Variants in CAMSAP2 observed in about 807,000 individuals in gnomAD.
CAMSAP2 encodes calmodulin regulated spectrin associated protein family member 2.
CAMSAP2 carries 26 observed loss-of-function variants against 146.1 expected under a neutral mutation model. That is an observed-to-expected ratio of 0.18 (90% CI 0.13 to 0.25). The LOEUF (loss-of-function observed/expected upper bound fraction) is 0.25. Among genes scored for constraint, CAMSAP2 ranks in the 10% least tolerant of loss-of-function variants. The pLI is 1.00. For synonymous variants in CAMSAP2, 499 were observed against 596.6 expected (o/e 0.84, Z 2.38); for missense variants, 1,381 against 1,759.3 (o/e 0.78, Z 3.85).
At chr1:200,817,160 ACAC>A (rs1666593231) in intron 4 of CAMSAP2, among the ~76,000 whole-genome samples, 1 of 92,862 alleles carries the variant, frequency 1.1e-5, no homozygotes, top group East Asian at 4.9e-4. Flanking sequence ...ACACACATAC[ACAC>A]ACGTGTGTGT....
chr1:200,772,199 C>G (rs1391406255), intron 2 of CAMSAP2, among the ~76,000 whole-genome samples: 1 of 151,902 alleles, frequency 6.6e-6, no homozygotes, highest in Non-Finnish European at 1.5e-5. Flanking sequence ...AACAAAAGTA[C>G]TTATCCTTGT....
intron 4 of CAMSAP2, among the ~76,000 whole-genome samples, chr1:200,817,191 TGTGTGTGTGTATACACACATACACAC>T (rs1437406451): frequency 0.14 from 18,903 of 133,454 alleles, 1,615 homozygotes; most frequent in East Asian, 0.17. Flanking sequence ...CACACACACA[TGTGTGTGTGTATACACACATACACAC>T]ATATGTGTGT....
chr1:200,859,339 T>C lies in CAMSAP2; in HGVS notation c.*1280T>C, dbSNP rs995686892. On this transcript the variant is annotated 3_prime_UTR_variant, in exon 17 of 17. Coordinates refer to ENST00000358823, the MANE Select transcript of CAMSAP2 (RefSeq NM_203459.4). ...CATAAATGAGATGCGTAGTTTGTTT[T>C]CTTTCATGGGAAGTAGAGATAAAAA... 1 of 152,662 alleles carries C rather than the reference T, an allele frequency of 6.6e-6. No individual in the cohort carries two copies. The highest frequency in any genetic ancestry group is 1.5e-5 in the Non-Finnish European group (1 of 67,920). 9.5% of individuals were successfully genotyped at this position (152,662 alleles called of 1,614,324 possible). A position where few individuals can be genotyped will look rare whatever the true frequency, so the allele number is the denominator to read the frequency against.
intron 9 of CAMSAP2, 28 bp downstream of exon 9, chr1:200,847,320 A>G (rs1363226581): frequency 6.7e-7 from 1 of 1,481,626 alleles, no homozygotes; most frequent in South Asian, 1.2e-5. Flanking sequence ...GCCTAGGAAA[A>G]TACTCTTTTA....
intron 6 of CAMSAP2, among the ~76,000 whole-genome samples, chr1:200,834,173 G>A (rs1667116168): frequency 6.6e-6 from 1 of 152,090 alleles, no homozygotes; most frequent in Non-Finnish European, 1.5e-5. Context: ...GACCAGCCTG[G>A]CCAACATGGT....
In CAMSAP2 at chr1:200,848,096, A is replaced by G; in HGVS notation, c.1327A>G (p.Thr443Ala). The change falls in exon 11 of 17, where the codon ACT becomes GCT. Residue 443 changes from threonine (T) to alanine (A), a missense_variant. Physicochemically the swap from Thr to Ala is moderately conservative, Grantham distance 58 (BLOSUM62 0). This residue lies in a region of CAMSAP2 where 447 missense variants were observed against 462.2 expected (regional missense o/e 0.97). Transcript: ENST00000358823. ...TAAAGAAGATAGTGTACAGAGATCC[A>G]CTCCAAACCGAGGAATCACTCGTTC... ...FDKEDSVQRS[T>A]PNRGITRSIS... 6.2e-7 allele frequency: 1 copy of G among 1,607,902 alleles called. No individual in the cohort carries two copies.
At chr1:200,765,922 GTC>G (rs1369631188) in intron 2 of CAMSAP2, among the ~76,000 whole-genome samples, 2 of 152,178 alleles carry the variant, frequency 1.3e-5, no homozygotes, top group African/African-American at 4.8e-5. Flanking sequence ...ATCATGAAGA[GTC>G]TGTAAGTTAG....
At position 200,859,090 on chromosome 1, in the gene CAMSAP2, A is replaced by G. The variant is rs888907410; in HGVS notation, c.*1031A>G. On this transcript the variant is annotated 3_prime_UTR_variant, in exon 17 of 17. Transcript: ENST00000358823. ...AAAATAGCTTCACATTATTTTACTT[A>G]TATTGGGTTTTTCTTCATTTTAATC... 2 of 152,510 alleles carry G rather than the reference A, an allele frequency of 1.3e-5. No homozygotes were observed. The highest frequency in any genetic ancestry group is 4.8e-5 in the African/African-American group (2 of 41,438). 9.4% of individuals were successfully genotyped at this position (152,510 alleles called of 1,614,324 possible).
chr1:200,820,778 G>A (rs1357935259), intron 4 of CAMSAP2, among the ~76,000 whole-genome samples: 3 of 152,170 alleles, frequency 2.0e-5, no homozygotes, highest in African/African-American at 7.2e-5. Context: ...ATCCATTTCA[G>A]TACATTAAAG....
intron 1 of CAMSAP2, among the ~76,000 whole-genome samples, chr1:200,757,985 A>G: frequency 6.6e-6 from 1 of 152,244 alleles, no homozygotes; most frequent in Non-Finnish European, 1.5e-5. Flanking sequence ...GAGCCTGTTT[A>G]GCAAGATGGT....
intron 4 of CAMSAP2, among the ~76,000 whole-genome samples, chr1:200,817,374 CTT>C (rs1666632366): frequency 1.3e-5 from 2 of 151,874 alleles, no homozygotes; most frequent in African/African-American, 4.8e-5. Context: ...CTCAAACAGA[CTT>C]TTAGAATTTT....
chr1:200,799,084 G>A (rs982111700), intron 2 of CAMSAP2, among the ~76,000 whole-genome samples: 5 of 152,094 alleles, frequency 3.3e-5, no homozygotes, highest in Non-Finnish European at 7.4e-5. Flanking sequence ...GTTTTATTGA[G>A]GGTTTTCACA....
At chr1:200,844,116 C>T (rs567515611) in intron 7 of CAMSAP2, among the ~76,000 whole-genome samples, 28 of 152,164 alleles carry the variant, frequency 1.8e-4, no homozygotes, top group Non-Finnish European at 2.6e-4. Flanking sequence ...CGTGATCCAC[C>T]GGCCTCAGCC....
chr1:200,858,395 CA>C lies in CAMSAP2; in HGVS notation c.*339del, dbSNP rs1289535646. The C allele has an allele frequency of 5.1e-6, 1 of 194,978 alleles. No individual in the cohort carries two copies. The highest frequency in any genetic ancestry group is 1.0e-5 in the Non-Finnish European group (1 of 96,538). 12.1% of individuals were successfully genotyped at this position (194,978 alleles called of 1,614,324 possible). A position where few individuals can be genotyped will look rare whatever the true frequency, so the allele number is the denominator to read the frequency against. On this transcript the variant is annotated 3_prime_UTR_variant, in exon 17 of 17. Transcript: ENST00000358823. ...TATCATTGAAATATGGTTAAGATTA[CA>C]AATTATGTGTTTTATTTGTTGCTTT...
chr1:200,753,906 AG>A (rs1381013536), intron 1 of CAMSAP2, among the ~76,000 whole-genome samples: 2 of 152,202 alleles, frequency 1.3e-5, no homozygotes, highest in African/African-American at 4.8e-5. Context: ...GACTTGGGCA[AG>A]GGTGCCTGAG....
intron 1 of CAMSAP2, among the ~76,000 whole-genome samples, chr1:200,742,609 G>A (rs962325085): frequency 2.6e-5 from 4 of 151,948 alleles, no homozygotes; most frequent in Non-Finnish European, 5.9e-5. Context: ...TATTTCAAAG[G>A]TATTACCTAA....
In CAMSAP2 at chr1:200,828,706, G is replaced by A. The variant is rs917865051; in HGVS notation, c.646-3494G>A. The A allele has an allele frequency of 4.5e-6, 5 of 1,102,702 alleles. No individual in the cohort carries two copies. The East Asian group carries it at 1.3e-4, about 29-fold the overall frequency. 68.3% of individuals were successfully genotyped at this position (1,102,702 alleles called of 1,614,324 possible). A position where few individuals can be genotyped will look rare whatever the true frequency, so the allele number is the denominator to read the frequency against. On this transcript the variant is annotated intron_variant, in intron 4 of 16. Transcript: ENST00000358823. ...AAAGTCATTTCATGTAATTCTGTTA[G>A]TCATTGAATAGAGATTGGATTTTAA...
At chr1:200,846,255 C>T (rs1272327295) in intron 8 of CAMSAP2, among the ~76,000 whole-genome samples, 1 of 152,174 alleles carries the variant, frequency 6.6e-6, no homozygotes, top group Non-Finnish European at 1.5e-5. Flanking sequence ...TAGGTCATCA[C>T]TCTTGCTCTA....
chr1:200,806,209 A>G (rs1666165899), intron 2 of CAMSAP2, among the ~76,000 whole-genome samples: 1 of 152,222 alleles, frequency 6.6e-6, no homozygotes. Flanking sequence ...AGAAGGTTAA[A>G]AAGTACTTAA....
Sources: allele counts gnomAD v4.1 joint callset (sites outside exome capture counted in the v4.1 genomes callset), GRCh38; gene constraint gnomAD v4.1.1; regional missense constraint gnomAD v4.1.1; transcripts MANE v1.5; gene names NCBI Gene and HGNC (gene_info 2026-07-23, HGNC 2026-07-21).